Variants in SLC12A1 observed in about 807,000 individuals in gnomAD.
The protein encoded by SLC12A1 is solute carrier family 12 member 1.
In SLC12A1, 89 loss-of-function variants were observed where a neutral mutation model predicts 130.4. That is an observed-to-expected ratio of 0.68 (90% CI 0.58 to 0.81). The LOEUF is 0.81. Among genes scored for constraint, SLC12A1 ranks in the 40% least tolerant of loss-of-function variants. The pLI is 0.00. For missense variants in SLC12A1, 1,310 were observed against 1,336.4 expected, an observed-to-expected ratio of 0.98 and a Z score of 0.31; for synonymous variants, 499 against 460.0, an observed-to-expected ratio of 1.08 and a Z score of -1.09.
intron 20 of SLC12A1, among the ~76,000 whole-genome samples, chr15:48,281,664 G>A (rs1465916496): frequency 6.6e-6 from 1 of 152,180 alleles, no homozygotes; most frequent in East Asian, 1.9e-4. Context: ...TTGGTAAAAT[G>A]GGGAGAATAA....
chr15:48,285,951 A>G (rs1408178709), intron 21 of SLC12A1, among the ~76,000 whole-genome samples: 5 of 152,200 alleles, frequency 3.3e-5, no homozygotes, highest in African/African-American at 1.2e-4. Context: ...AAAAATCAGA[A>G]TGTTACCAGG....
At position 48,285,193 on chromosome 15, in the gene SLC12A1, G is replaced by T. The variant is rs140747686; in HGVS notation, c.2573G>T (p.Arg858Leu). 1.6e-4 allele frequency: 263 copies of T among 1,613,722 alleles called. No individual in the cohort carries two copies. Among genetic ancestry groups the T allele is most frequent in the Non-Finnish European group, 2.1e-4 (251 of 1,179,798 alleles). ...NECEEESGGIRGLFKKAGKLN... is the reference protein window; with the variant it reads ...NECEEESGGILGLFKKAGKLN... ...TGTGAAGAGGAAAGTGGAGGCATCCGAGGCTTGTTTAAAAAAGCTGGCAAG... is the reference window on the plus strand; with the variant it reads ...TGTGAAGAGGAAAGTGGAGGCATCCTAGGCTTGTTTAAAAAAGCTGGCAAG... Residue 858 changes from arginine (R) to leucine (L), a missense_variant, in exon 21 of 27, where the codon CGA (arginine) becomes CTA (leucine). Transcript: ENST00000380993.
intron 20 of SLC12A1, among the ~76,000 whole-genome samples, chr15:48,279,859 T>G (rs1330224460): frequency 6.6e-6 from 1 of 152,168 alleles, no homozygotes; most frequent in Non-Finnish European, 1.5e-5. Context: ...GGCAGTGTAG[T>G]AAATAATTAC....
At chr15:48,231,720 T>C (rs1334944710) in intron 7 of SLC12A1, among the ~76,000 whole-genome samples, 2 of 152,226 alleles carry the variant, frequency 1.3e-5, no homozygotes, top group Admixed American at 6.5e-5. Flanking sequence ...AACAGATAGC[T>C]GTTATTATTT....
At chr15:48,248,421 C>T (rs1202867236) in intron 13 of SLC12A1, among the ~76,000 whole-genome samples, 2 of 152,210 alleles carry the variant, frequency 1.3e-5, no homozygotes, top group East Asian at 1.9e-4. Flanking sequence ...TGCATTTAAG[C>T]GAATAAGCAA....
At chr15:48,263,683 T>TTTTA (rs201165308) in intron 17 of SLC12A1, among the ~76,000 whole-genome samples, 3,869 of 151,622 alleles carry the variant, frequency 0.026, 80 homozygotes, top group African/African-American at 0.049. Context: ...CTCACTTTAT[T>TTTTA]TTTATTTATT....
chr15:48,230,701 C>T (rs975723856), intron 7 of SLC12A1, among the ~76,000 whole-genome samples, 198 bp downstream of exon 7: 5 of 152,360 alleles, frequency 3.3e-5, no homozygotes, highest in East Asian at 1.9e-4. Context: ...TCACGAGTCA[C>T]ATGACTGCCG....
intron 2 of SLC12A1, among the ~76,000 whole-genome samples, chr15:48,216,116 C>G (rs952813191): frequency 1.3e-5 from 2 of 152,098 alleles, no homozygotes; most frequent in Non-Finnish European, 2.9e-5. Flanking sequence ...GCAGGTTGAA[C>G]ATATTATTAA....
intron 8 of SLC12A1, among the ~76,000 whole-genome samples, chr15:48,234,569 C>G (rs2041417626): frequency 6.6e-6 from 1 of 151,818 alleles, no homozygotes; most frequent in African/African-American, 2.4e-5. Flanking sequence ...ATGGTGAAAC[C>G]CCATCTCTAC....
At chr15:48,241,416 A>G (rs1271051560) in intron 9 of SLC12A1, 99 bp from the exon 10 acceptor site, 2 of 948,638 alleles carry the variant, frequency 2.1e-6, no homozygotes, top group East Asian at 4.8e-5. Context: ...TGCCTCAGGA[A>G]GGGTAGCCTA....
At chr15:48,287,996 T>TCTG (rs775576412) in intron 21 of SLC12A1, 47 bp from the exon 22 acceptor site, 1 of 1,582,860 alleles carries the variant, frequency 6.3e-7, no homozygotes, top group South Asian at 1.2e-5. Flanking sequence ...TTATTTTGTT[T>TCTG]CTGCCCTCAA....
At chr15:48,297,544 A>T (rs12050648) in intron 24 of SLC12A1, among the ~76,000 whole-genome samples, 41,451 of 152,144 alleles carry the variant, frequency 0.27, 6,560 homozygotes, top group African/African-American at 0.42. Context: ...CTATTTTTGT[A>T]CTGTGCTTTC....
chr15:48,301,201 AT>A, intron 25 of SLC12A1, 113 bp from the exon 26 acceptor site: 2 of 772,308 alleles, frequency 2.6e-6, no homozygotes, highest in Non-Finnish European at 4.4e-6. Context: ...AGTAATTGTA[AT>A]TTTTATACAT....
intron 9 of SLC12A1, chr15:48,237,306 A>C (rs2041451511): frequency 3.5e-6 from 1 of 284,398 alleles, no homozygotes; most frequent in Non-Finnish European, 6.5e-6. Flanking sequence ...AGAGTAGTGT[A>C]TGTAATCCTT....
At chr15:48,284,989 T>C (rs934425930) in intron 20 of SLC12A1, 117 bp from the exon 21 acceptor site, 2 of 686,956 alleles carry the variant, frequency 2.9e-6, no homozygotes, top group African/African-American at 1.9e-5. Context: ...AAAATTACTA[T>C]GTATAAACAA....
chr15:48,232,663 T>G, intron 7 of SLC12A1, 64 bp from the exon 8 acceptor site: 1 of 1,045,316 alleles, frequency 9.6e-7, no homozygotes, highest in Non-Finnish European at 1.5e-6. Context: ...CTTCTAACTT[T>G]TATAATTATG....
At chr15:48,300,324 TAA>T (rs879936716) in intron 25 of SLC12A1, among the ~76,000 whole-genome samples, 7 of 140,562 alleles carry the variant, frequency 5.0e-5, no homozygotes, top group Admixed American at 2.1e-4. Context: ...AAACCCTGTT[TAA>T]AAAAAAAAAA....
intron 15 of SLC12A1, 147 bp downstream of exon 15, chr15:48,251,917 A>T (rs2041653393): frequency 1.4e-6 from 1 of 706,326 alleles, no homozygotes; most frequent in African/African-American, 1.8e-5. Context: ...TAGTAACAAT[A>T]GTTGGGGCCG....
intron 21 of SLC12A1, among the ~76,000 whole-genome samples, chr15:48,286,725 T>C (rs980909733): frequency 1.3e-5 from 2 of 152,214 alleles, no homozygotes; most frequent in Non-Finnish European, 2.9e-5. Context: ...AGTAATAATG[T>C]TATATACTGT....
Sources: allele counts gnomAD v4.1 joint callset (sites outside exome capture counted in the v4.1 genomes callset), GRCh38; gene constraint gnomAD v4.1.1; transcripts MANE v1.5; gene names NCBI Gene and HGNC (gene_info 2026-07-23, HGNC 2026-07-21).